The following GLRA2 variants were observed in gnomAD, a reference collection of about 807,000 sequenced individuals.
GLRA2 encodes the protein glycine receptor alpha 2.
A neutral mutation model predicts 31.6 loss-of-function variants in GLRA2; 11 were observed. The ratio of observed to expected loss-of-function variants is 0.35; its 90% CI spans 0.22 to 0.58. The LOEUF (loss-of-function observed/expected upper bound fraction) is 0.58, where lower values mean the gene tolerates loss of function less well. Ranked by LOEUF, GLRA2 falls within the 20% of genes least tolerant of loss-of-function variation. GLRA2 has a pLI of 0.84. For missense variants in GLRA2, 212 were observed against 351.8 expected (o/e 0.60, Z 3.18); for synonymous variants, 132 against 134.0 (o/e 0.99, Z 0.10).
intron 7 of GLRA2, among the ~76,000 whole-genome samples, chrX:14,671,205 T>C (rs2091088940): frequency 9.0e-6 from 1 of 111,554 alleles, no homozygotes; most frequent in South Asian, 3.7e-4. Flanking sequence ...TATTTGCTAG[T>C]AAGAAAAAAA....
chrX:14,518,554 T>C, the GLRA2 span, among the ~76,000 whole-genome samples: 1 of 111,974 alleles, frequency 8.9e-6, no homozygotes, highest in Admixed American at 9.5e-5. Flanking sequence ...AATGAATCCT[T>C]GATATGTACA....
chrX:14,464,613 G>A, the GLRA2 span, among the ~76,000 whole-genome samples: 1 of 111,926 alleles, frequency 8.9e-6, no homozygotes, highest in South Asian at 3.7e-4. Context: ...CTGGAGTGCA[G>A]TGGTGCGATC....
chrX:14,629,236 A>T (rs1239333251), intron 7 of GLRA2, among the ~76,000 whole-genome samples: 7 of 111,363 alleles, frequency 6.3e-5, no homozygotes, highest in Non-Finnish European at 1.1e-4. Context: ...GGTGTCTTGT[A>T]ACTCAGGCAT....
the GLRA2 span, among the ~76,000 whole-genome samples, chrX:14,488,437 C>T: frequency 9.0e-6 from 1 of 111,568 alleles, no homozygotes; most frequent in African/African-American, 3.3e-5. Context: ...AGCTAACATC[C>T]CTCTTTAAAG....
intron 8 of GLRA2, among the ~76,000 whole-genome samples, chrX:14,691,290 T>A (rs1041162220): frequency 3.0e-5 from 3 of 99,300 alleles, no homozygotes; most frequent in African/African-American, 8.2e-5. Context: ...TGTGTGTGTG[T>A]GTGTGTGTGT....
intron 8 of GLRA2, among the ~76,000 whole-genome samples, chrX:14,695,737 G>A (rs1025289587): frequency 2.7e-5 from 3 of 111,970 alleles, no homozygotes; most frequent in Non-Finnish European, 5.6e-5. Flanking sequence ...ATAGGATGTA[G>A]GAGCTCCTAA....
intron 8 of GLRA2, among the ~76,000 whole-genome samples, chrX:14,696,220 G>A (rs1261997438): frequency 5.3e-5 from 5 of 94,865 alleles, no homozygotes; most frequent in African/African-American, 7.7e-5. Context: ...GGGAGAGTGC[G>A]AGGGAGGGAG....
At chrX:14,671,393 CAA>C (rs1267886426) in intron 7 of GLRA2, among the ~76,000 whole-genome samples, 1 of 111,671 alleles carries the variant, frequency 9.0e-6, no homozygotes, top group Admixed American at 9.5e-5. Context: ...ACAAGAAAGA[CAA>C]GAGAGAATGT....
In GLRA2 at chrX:14,609,218, G is replaced by T. The variant is rs1486380036; in HGVS notation, c.930+13G>T. 19 of 1,085,908 alleles carry T rather than the reference G, an allele frequency of 1.7e-5. No individual in the cohort carries two copies. Among genetic ancestry groups the T allele is most frequent in the Non-Finnish European group, 2.4e-5 (19 of 786,354 alleles). 89.5% of individuals were successfully genotyped at this position (1,085,908 alleles called of 1,213,427 possible). ...ATCTCTGCCAAAGGTAAGAAATCTT[G>T]CTTGATAACAGATGACATGAAAGCT... On this transcript the variant is annotated intron_variant, in intron 7 of 8. Coordinates refer to ENST00000218075, the MANE Select transcript of GLRA2 (RefSeq NM_002063.4).
chrX:14,454,173 CCCACACCCACACACCCACACACA>C, the GLRA2 span, among the ~76,000 whole-genome samples: 3 of 20,957 alleles, frequency 1.4e-4, no homozygotes, highest in Non-Finnish European at 1.6e-4. Context: ...CCCACACACA[CCCACACCCACACACCCACACACA>C]CACACACACA....
the GLRA2 span, among the ~76,000 whole-genome samples, chrX:14,486,649 T>A: frequency 4.3e-4 from 48 of 112,058 alleles, no homozygotes; most frequent in Middle Eastern, 9.1e-3. Flanking sequence ...ATTTTATGCC[T>A]ACTTACCAGA....
At chrX:14,652,483 A>G (rs1179925650) in intron 7 of GLRA2, among the ~76,000 whole-genome samples, 1 of 111,747 alleles carries the variant, frequency 8.9e-6, no homozygotes, top group Non-Finnish European at 1.9e-5. Flanking sequence ...GCACCAAGCA[A>G]GTCTATAAGC....
the GLRA2 span, among the ~76,000 whole-genome samples, chrX:14,511,751 A>C: frequency 8.9e-6 from 1 of 112,163 alleles, no homozygotes; most frequent in African/African-American, 3.2e-5. Flanking sequence ...GATAATGAAA[A>C]GTATTTATTC....
rs368786955 is a variant in GLRA2 at position 14,685,731 on chromosome X, C to G, written c.931-4979C>G. ...TTTTCTTCTTAGTCTTCCTAGTGGT[C>G]TATCAATTTTGTTGATCATTTCAAA... On this transcript the variant is annotated intron_variant, in intron 7 of 8. Coordinates refer to ENST00000218075, the MANE Select transcript of GLRA2 (RefSeq NM_002063.4). Among the ~76,000 whole-genome samples, 139 of 111,643 alleles carry G rather than the reference C, an allele frequency of 1.2e-3. No homozygotes were observed. The Middle Eastern group carries it at 0.014, about 11-fold the overall frequency.
intron 8 of GLRA2, among the ~76,000 whole-genome samples, chrX:14,698,838 C>G (rs2091491195): frequency 9.1e-6 from 1 of 110,153 alleles, no homozygotes; most frequent in Admixed American, 9.7e-5. Flanking sequence ...CCCAAAAAGA[C>G]AATGGCATTA....
At chrX:14,679,679 C>T (rs1295352971) in intron 7 of GLRA2, among the ~76,000 whole-genome samples, 6 of 111,312 alleles carry the variant, frequency 5.4e-5, no homozygotes, top group Non-Finnish European at 9.4e-5. Context: ...TTTGATTTTA[C>T]AGCTTCTTCT....
chrX:14,604,321 C>T lies in GLRA2; in HGVS notation c.501C>T (p.Thr167=). ...TTTTTTTTTGTTTGCTAAGACTCAC[C>T]TTGACCTTATCCTGTCCCATGGACT... ...NGKVLYSIRL[T]LTLSCPMDLK... is the part of the protein sequence containing the mutation. Residue 167 remains threonine, a synonymous_variant, in exon 5 of 9, where the codon ACC becomes ACT. Transcript: ENST00000218075. 1 of 1,156,586 alleles carries T rather than the reference C, an allele frequency of 8.6e-7. No homozygotes were observed. Among genetic ancestry groups the T allele is most frequent in the Non-Finnish European group, 1.2e-6 (1 of 848,510 alleles).
At chrX:14,604,522 C>A in intron 5 of GLRA2, 125 bp downstream of exon 5, 1 of 361,096 alleles carries the variant, frequency 2.8e-6, no homozygotes, top group Non-Finnish European at 4.9e-6. Flanking sequence ...CCCCCAACAT[C>A]CTAATGGAAA....
chrX:14,463,290 C>G, the GLRA2 span, among the ~76,000 whole-genome samples: 1 of 111,668 alleles, frequency 9.0e-6, no homozygotes, highest in Non-Finnish European at 1.9e-5. Context: ...GTCTCCCAGT[C>G]AGGCTACACG....
Sources: allele counts gnomAD v4.1 joint callset (sites outside exome capture counted in the v4.1 genomes callset), GRCh38; gene constraint gnomAD v4.1.1; transcripts MANE v1.5; gene names NCBI Gene and HGNC (gene_info 2026-07-23, HGNC 2026-07-21).